Variants in EPS15L1 observed in about 807,000 individuals in gnomAD.
EPS15L1 encodes the protein epidermal growth factor receptor pathway substrate 15 like 1.
EPS15L1 carries 43 observed loss-of-function variants against 117.1 expected under a neutral mutation model. The observed-to-expected ratio is 0.37, with a 90% CI of 0.29 to 0.47. The LOEUF (loss-of-function observed/expected upper bound fraction) is 0.47, where lower values mean the gene tolerates loss of function less well. Among genes scored for constraint, EPS15L1 ranks in the 20% least tolerant of loss-of-function variants. The probability of loss-of-function intolerance (pLI) is 0.99; values close to 1 mark genes in which losing one functional copy is unlikely to be tolerated. For missense variants in EPS15L1, 981 were observed against 1,164.0 expected (o/e 0.84, Z 2.29); for synonymous variants, 459 against 470.5 (o/e 0.98, Z 0.32).
chr19:16,416,448 C>A (rs2092758693), intron 12 of EPS15L1, among the ~76,000 whole-genome samples: 1 of 152,046 alleles, frequency 6.6e-6, no homozygotes, highest in Non-Finnish European at 1.5e-5. Flanking sequence ...CCAGCCTGGG[C>A]AACATGGCGA....
intron 19 of EPS15L1, among the ~76,000 whole-genome samples, chr19:16,391,294 T>C (rs555492374): frequency 5.9e-5 from 9 of 152,122 alleles, no homozygotes; most frequent in African/African-American, 2.2e-4. Context: ...AAGCTGGTTA[T>C]GGGAAAGGTC....
At chr19:16,374,232 C>T (rs1213174161) in intron 22 of EPS15L1, among the ~76,000 whole-genome samples, 2 of 152,228 alleles carry the variant, frequency 1.3e-5, no homozygotes, top group Non-Finnish European at 2.9e-5. Context: ...TGGCCTGTCT[C>T]CCTCACGGGT....
Position 16,355,364 on chromosome 19 carries a change from T to TGCCG in EPS15L1, c.*340_*341insCGGC. ...GAGGGCGGGTGGGGATGTCTGCAGC[T>TGCCG]ATGAGTAGGGAGGAGGCGGGGAAGC... On this transcript the variant is annotated 3_prime_UTR_variant, in exon 24 of 24. Coordinates refer to ENST00000455140, the MANE Select transcript of EPS15L1 (RefSeq NM_001258374.3). The TGCCG allele has an allele frequency of 3.8e-6, 1 of 260,888 alleles. No individual in the cohort carries two copies. 16.2% of individuals were successfully genotyped at this position (260,888 alleles called of 1,614,324 possible).
intron 13 of EPS15L1, 105 bp downstream of exon 13, chr19:16,413,668 T>A (rs1192098490): frequency 8.6e-6 from 8 of 929,668 alleles, no homozygotes; most frequent in Non-Finnish European, 1.4e-5. Context: ...CATGTTTCCA[T>A]CCAGGGCAGA....
chr19:16,464,873 GATCGAGACCATCCTGCCTA>G (rs2093287569), intron 1 of EPS15L1, among the ~76,000 whole-genome samples: 1 of 152,124 alleles, frequency 6.6e-6, no homozygotes, highest in South Asian at 2.1e-4. Flanking sequence ...CACAAGGTCA[GATCGAGACCATCCTGCCTA>G]ACCAGTGAAA....
chr19:16,413,068 A>C, intron 13 of EPS15L1: 1 of 708,890 alleles, frequency 1.4e-6, no homozygotes, highest in South Asian at 1.4e-5. Context: ...ACCAGGTTCA[A>C]GGCGTTTGTT....
chr19:16,404,887 C>T lies in EPS15L1; in HGVS notation c.1267-138G>A, dbSNP rs775440304. On this transcript the variant is annotated intron_variant, in intron 13 of 23. Transcript: ENST00000455140. This position sits in a 1 kb window ranked among gnomAD's most constrained non-coding sequence, Gnocchi z 4.2. The stretch of plus-strand genomic sequence containing the variant: ...GTGACCGTGCTCAGGGCCAGCATTC[C>T]GTGCACACCCACGGCCAATGTGTGC... 2.1e-5 allele frequency: 19 copies of T among 896,814 alleles called. No individual in the cohort carries two copies. Among genetic ancestry groups the T allele is most frequent in the South Asian group, 3.2e-5 (2 of 61,870 alleles). The allele number at this position is 896,814 out of a possible 1,614,324, so 55.6% of individuals were successfully genotyped here.
At chr19:16,369,381 G>A (rs1020755687) in intron 22 of EPS15L1, among the ~76,000 whole-genome samples, 5 of 152,192 alleles carry the variant, frequency 3.3e-5, no homozygotes, top group African/African-American at 9.7e-5. Context: ...GTTTGGTTCT[G>A]AACTGTTGAG....
chr19:16,385,099 A>G, intron 21 of EPS15L1, 30 bp downstream of exon 21: 2 of 1,580,320 alleles, frequency 1.3e-6, no homozygotes, highest in Non-Finnish European at 1.7e-6. Flanking sequence ...ACACTAGCAG[A>G]GGCGCGGGGG....
intron 22 of EPS15L1, among the ~76,000 whole-genome samples, chr19:16,369,636 C>T (rs2092191275): frequency 6.6e-6 from 1 of 151,140 alleles, no homozygotes; most frequent in Non-Finnish European, 1.5e-5. Flanking sequence ...TTACATAAAA[C>T]CTGCCAGGCA....
intron 7 of EPS15L1, among the ~76,000 whole-genome samples, chr19:16,434,052 TG>T (rs1308547595): frequency 6.6e-6 from 1 of 152,176 alleles, no homozygotes; most frequent in African/African-American, 2.4e-5. Flanking sequence ...AAGCCCAAGT[TG>T]GGGAGCTTAA....
chr19:16,402,237 TG>T (rs1363826616), intron 16 of EPS15L1, 83 bp downstream of exon 16: 8 of 1,500,066 alleles, frequency 5.3e-6, no homozygotes, highest in Non-Finnish European at 7.1e-6. Context: ...ACGTTGGCCA[TG>T]AACAGATCTG....
At chr19:16,407,830 C>T (rs754054840) in intron 13 of EPS15L1, among the ~76,000 whole-genome samples, 4 of 152,300 alleles carry the variant, frequency 2.6e-5, no homozygotes, top group Middle Eastern at 3.4e-3. Flanking sequence ...CAGGCCACAG[C>T]GCAGCCAACC....
chr19:16,400,946 G>A, intron 16 of EPS15L1: 2 of 985,462 alleles, frequency 2.0e-6, no homozygotes, highest in Non-Finnish European at 1.2e-6. Context: ...AGCAGGACAA[G>A]CCAAAAGCGG....
chr19:16,364,824 C>A (rs934256669), intron 22 of EPS15L1, among the ~76,000 whole-genome samples: 1 of 152,188 alleles, frequency 6.6e-6, no homozygotes, highest in African/African-American at 2.4e-5. Context: ...CCTCCACCCT[C>A]CCGTCCCTAG....
intron 16 of EPS15L1, among the ~76,000 whole-genome samples, chr19:16,396,226 C>G (rs185782610): frequency 3.3e-5 from 5 of 152,132 alleles, no homozygotes; most frequent in Admixed American, 3.3e-4. Flanking sequence ...ACAGGAGGAA[C>G]TGGGTGTGGG....
At chr19:16,447,713 T>A (rs1419550641) in intron 1 of EPS15L1, among the ~76,000 whole-genome samples, 1 of 149,358 alleles carries the variant, frequency 6.7e-6, no homozygotes, top group Non-Finnish European at 1.5e-5. Flanking sequence ...TGAGCCGAGA[T>A]CATACCACTG....
chr19:16,389,677 T>C (rs756929013), intron 19 of EPS15L1, among the ~76,000 whole-genome samples: 17 of 152,210 alleles, frequency 1.1e-4, no homozygotes, highest in Admixed American at 2.6e-4. Flanking sequence ...GTAACAGTCT[T>C]ATGGAGTTTC....
At chr19:16,368,172 C>T (rs2092165372) in intron 22 of EPS15L1, among the ~76,000 whole-genome samples, 1 of 152,190 alleles carries the variant, frequency 6.6e-6, no homozygotes, top group Non-Finnish European at 1.5e-5. Flanking sequence ...TCCTATACAA[C>T]ACAGAACGAT....
Sources: gnomAD v4.1 joint callset for allele counts (sites outside exome capture counted in the v4.1 genomes callset) on GRCh38, gnomAD v4.1.1 for gene constraint, Gnocchi (gnomAD v3.1) non-coding constraint, MANE v1.5 for transcripts, NCBI Gene and HGNC (gene_info 2026-07-23, HGNC 2026-07-21) for gene names.